The following SPIDR variants were observed in gnomAD, a reference collection of about 807,000 sequenced individuals.
SPIDR encodes scaffold protein involved in DNA repair.
In SPIDR, 93 loss-of-function variants were observed where a neutral mutation model predicts 104.6. The ratio of observed to expected loss-of-function variants is 0.89; its 90% CI spans 0.75 to 1.06. The LOEUF (loss-of-function observed/expected upper bound fraction) is 1.06, where lower values mean the gene tolerates loss of function less well. Ranked by LOEUF, SPIDR falls within the 50% of genes least tolerant of loss-of-function variation. The pLI, the probability that SPIDR is intolerant of heterozygous loss-of-function variation, is 0.00. For synonymous variants in SPIDR, 431 were observed against 416.9 expected, an observed-to-expected ratio of 1.03 and a Z score of -0.41; for missense variants, 1,154 against 1,111.2, an observed-to-expected ratio of 1.04 and a Z score of -0.55.
At chr8:47,401,541 C>T (rs1436503448) in intron 6 of SPIDR, among the ~76,000 whole-genome samples, 2 of 152,062 alleles carry the variant, frequency 1.3e-5, no homozygotes, top group African/African-American at 2.4e-5. Context: ...GACTAGCAAA[C>T]TGGATAAAGA....
intron 5 of SPIDR, among the ~76,000 whole-genome samples, chr8:47,347,625 T>C (rs1554619240): frequency 6.6e-6 from 1 of 152,168 alleles, no homozygotes; most frequent in African/African-American, 2.4e-5. Context: ...GCTTTATGAA[T>C]CTGGGTGCTT....
chr8:47,615,441 G>A (rs1221961455), intron 10 of SPIDR, among the ~76,000 whole-genome samples: 1 of 148,360 alleles, frequency 6.7e-6, no homozygotes, highest in African/African-American at 2.5e-5. Context: ...CTTAATCTTA[G>A]GATTGACATT....
chr8:47,709,687 T>G (rs1416365273), intron 14 of SPIDR, among the ~76,000 whole-genome samples: 1 of 152,222 alleles, frequency 6.6e-6, no homozygotes, highest in African/African-American at 2.4e-5. Flanking sequence ...ACTGACTTTG[T>G]TCATAACCCC....
chr8:47,322,487 G>A (rs548028054), intron 5 of SPIDR, among the ~76,000 whole-genome samples: 2 of 152,200 alleles, frequency 1.3e-5, no homozygotes, highest in Admixed American at 6.5e-5. Flanking sequence ...TACACCGTTG[G>A]TGGGACTGTA....
At chr8:47,381,136 A>T (rs1554645235) in intron 5 of SPIDR, among the ~76,000 whole-genome samples, 1 of 152,214 alleles carries the variant, frequency 6.6e-6, no homozygotes, top group African/African-American at 2.4e-5. Context: ...GCACTGGGGT[A>T]ATAGACCTGT....
chr8:47,434,720 C>T (rs10110402), intron 7 of SPIDR, among the ~76,000 whole-genome samples: 3,947 of 151,958 alleles, frequency 0.026, 60 homozygotes, highest in Middle Eastern at 0.041. Flanking sequence ...ACTTGCTTCA[C>T]GGAGAATAGT....
chr8:47,612,400 A>G (rs2063717070), intron 10 of SPIDR, among the ~76,000 whole-genome samples: 1 of 152,168 alleles, frequency 6.6e-6, no homozygotes, highest in Non-Finnish European at 1.5e-5. Flanking sequence ...TGTCTTTAAA[A>G]TTTTTGAACG....
chr8:47,380,455 C>A (rs574591692), intron 5 of SPIDR, among the ~76,000 whole-genome samples: 96 of 152,130 alleles, frequency 6.3e-4, no homozygotes, highest in African/African-American at 2.2e-3. Flanking sequence ...GCTGTGGAGC[C>A]CCCTGGCCCT....
chr8:47,361,775 A>G (rs1358127410), intron 5 of SPIDR, among the ~76,000 whole-genome samples: 2 of 152,162 alleles, frequency 1.3e-5, no homozygotes, highest in South Asian at 2.1e-4. Flanking sequence ...GAGGAATGTA[A>G]GACAGATGAG....
At chr8:47,422,811 C>A (rs2065776192) in intron 7 of SPIDR, among the ~76,000 whole-genome samples, 1 of 152,074 alleles carries the variant, frequency 6.6e-6, no homozygotes, top group African/African-American at 2.4e-5. Context: ...TTTTTAACAT[C>A]TTTGGTATGT....
At chr8:47,354,638 T>C (rs2054178125) in intron 5 of SPIDR, among the ~76,000 whole-genome samples, 1 of 152,170 alleles carries the variant, frequency 6.6e-6, no homozygotes, top group Non-Finnish European at 1.5e-5. Context: ...TTTATTTATT[T>C]TAAATTTTTT....
At chr8:47,437,305 C>T (rs2068521664) in intron 7 of SPIDR, among the ~76,000 whole-genome samples, 1 of 147,756 alleles carries the variant, frequency 6.8e-6, no homozygotes, top group Admixed American at 6.9e-5. Flanking sequence ...CATGTGATCT[C>T]ATCGTTCAAT....
At chr8:47,371,614 C>T (rs1326342196) in intron 5 of SPIDR, among the ~76,000 whole-genome samples, 2 of 152,248 alleles carry the variant, frequency 1.3e-5, no homozygotes, top group South Asian at 2.1e-4. Context: ...AAAGGCCTCA[C>T]CTCCACGTTT....
rs540065369 is a variant in SPIDR, at chr8:47,420,703, T to C, written c.877+12742T>C. The stretch of plus-strand genomic sequence containing the variant: ...GCTCATTAGTTGATGCAGTTTCTTC[T>C]TAGCCTCGATGGTCTTTACAATTTG... On this transcript the variant is annotated intron_variant, in intron 7 of 19. Coordinates refer to ENST00000297423, the MANE Select transcript of SPIDR (RefSeq NM_001080394.4). Among the ~76,000 whole-genome samples the C allele has an allele frequency of 3.1e-3, 465 of 152,318 alleles. 1 individual carries two copies. The highest frequency in any genetic ancestry group is 0.011 in the African/African-American group (454 of 41,574).
chr8:47,671,229 T>C (rs1291260465), intron 10 of SPIDR, among the ~76,000 whole-genome samples: 2 of 152,052 alleles, frequency 1.3e-5, no homozygotes, highest in Admixed American at 6.6e-5. Flanking sequence ...TTTTAGTAAT[T>C]AGTAAATCAG....
chr8:47,632,333 T>C (rs2067192846), intron 10 of SPIDR, among the ~76,000 whole-genome samples: 1 of 152,058 alleles, frequency 6.6e-6, no homozygotes, highest in South Asian at 2.1e-4. Context: ...CTTGGCAAAA[T>C]GCAAAATGCA....
intron 5 of SPIDR, among the ~76,000 whole-genome samples, chr8:47,298,380 A>G (rs2041325708): frequency 6.6e-6 from 1 of 152,118 alleles, no homozygotes; most frequent in Non-Finnish European, 1.5e-5. Context: ...GTAGATTGCA[A>G]AAATTTTCTC....
At position 47,700,499 on chromosome 8, in the gene SPIDR, G is replaced by A. The variant is rs16930248; in HGVS notation, c.1773+9G>A. The A allele has an allele frequency of 5.3e-3, 8,568 of 1,614,098 alleles. 32 individuals are homozygous for A. Among genetic ancestry groups the A allele is most frequent in the African/African-American group, 0.018 (1,362 of 75,008 alleles). On this transcript the variant is annotated intron_variant, in intron 12 of 19. Coordinates refer to ENST00000297423, the MANE Select transcript of SPIDR (RefSeq NM_001080394.4). ...ACCAGCCCTGTGAAGAGGTAAGCCC[G>A]GCACTGGAAAAACTTCCCCAGTCAC... is the stretch of plus-strand genomic sequence containing the variant.
intron 10 of SPIDR, among the ~76,000 whole-genome samples, chr8:47,640,747 A>G (rs7463108): frequency 0.032 from 4,620 of 145,862 alleles, 186 homozygotes; most frequent in African/African-American, 0.1. Context: ...GCACGATCTC[A>G]GCTCTCTGCA....
Sources: gnomAD v4.1 joint callset for allele counts (sites outside exome capture counted in the v4.1 genomes callset) on GRCh38, gnomAD v4.1.1 for gene constraint, MANE v1.5 for transcripts, NCBI Gene and HGNC (gene_info 2026-07-23, HGNC 2026-07-21) for gene names.